The following PACRG variants were observed in gnomAD, a reference collection of about 807,000 sequenced individuals.
PACRG encodes parkin coregulated.
In PACRG, 29 loss-of-function variants were observed where a neutral mutation model predicts 29.7. The ratio of observed to expected loss-of-function variants is 0.98; its 90% confidence interval spans 0.73 to 1.33. The LOEUF (loss-of-function observed/expected upper bound fraction) is 1.33. Among genes scored for constraint, PACRG ranks in the 40% most tolerant of loss-of-function variants. The probability of loss-of-function intolerance (pLI) is 0.00; values close to 1 mark genes in which losing one functional copy is unlikely to be tolerated. For synonymous variants in PACRG, 116 were observed against 118.7 expected (o/e 0.98, Z 0.15); for missense variants, 279 against 316.2 (o/e 0.88, Z 0.89).
intron 2 of PACRG, among the ~76,000 whole-genome samples, chr6:162,957,807 T>C (rs1419911827): frequency 6.6e-6 from 1 of 152,136 alleles, no homozygotes; most frequent in African/African-American, 2.4e-5. Context: ...ATAAAGGACA[T>C]ATATCTAGCC....
intron 4 of PACRG, chr6:163,313,885 G>A (rs890598783): frequency 5.9e-5 from 9 of 152,120 alleles, no homozygotes; most frequent in East Asian, 1.9e-4. Context: ...AATGACTATC[G>A]TTAGAGAAAA....
chr6:162,994,836 G>A (rs1333295486), intron 2 of PACRG, among the ~76,000 whole-genome samples: 8 of 150,924 alleles, frequency 5.3e-5, no homozygotes, highest in Admixed American at 6.6e-5. Flanking sequence ...AGAGTTTCCC[G>A]TTTTTCTGTT....
chr6:163,273,513 A>G (rs910959750), intron 4 of PACRG, among the ~76,000 whole-genome samples: 2 of 152,172 alleles, frequency 1.3e-5, no homozygotes, highest in East Asian at 1.9e-4. Context: ...CATAGAAATA[A>G]GACTTTTTAG....
At chr6:163,308,125 T>C (rs965090572) in intron 4 of PACRG, among the ~76,000 whole-genome samples, 1 of 152,214 alleles carries the variant, frequency 6.6e-6, no homozygotes, top group African/African-American at 2.4e-5. Flanking sequence ...GTAGCTTTCC[T>C]TTTCCCCTTT....
intron 4 of PACRG, among the ~76,000 whole-genome samples, chr6:163,206,015 A>C (rs1030590190): frequency 3.9e-5 from 6 of 152,232 alleles, no homozygotes; most frequent in Non-Finnish European, 4.4e-5. Flanking sequence ...ATGAGATACC[A>C]TCTCACACCA....
intron 1 of PACRG, among the ~76,000 whole-genome samples, chr6:162,759,356 G>T (rs1782172695): frequency 6.6e-6 from 1 of 152,028 alleles, no homozygotes; most frequent in Admixed American, 6.6e-5. Flanking sequence ...TGTGAGCCGT[G>T]GCTCACATAA....
At chr6:162,731,282 A>G (rs1460541905) in intron 1 of PACRG, among the ~76,000 whole-genome samples, 2 of 152,176 alleles carry the variant, frequency 1.3e-5, no homozygotes, top group Non-Finnish European at 2.9e-5. Context: ...GACCATCAGT[A>G]TATAATACAG....
chr6:163,051,201 T>C (rs1295053490), intron 2 of PACRG: 2 of 152,244 alleles, frequency 1.3e-5, no homozygotes, highest in Non-Finnish European at 2.9e-5. Flanking sequence ...TATTTTTCCA[T>C]GTTAAGTATT....
intron 1 of PACRG, among the ~76,000 whole-genome samples, chr6:162,743,110 CTGA>C (rs1050166439): frequency 4.6e-5 from 7 of 152,048 alleles, no homozygotes; most frequent in African/African-American, 1.7e-4. Context: ...TTACAGTGCC[CTGA>C]TGATTAGTGG....
chr6:163,173,689 C>A (rs1031500792), intron 4 of PACRG, among the ~76,000 whole-genome samples: 6 of 152,186 alleles, frequency 3.9e-5, no homozygotes, highest in African/African-American at 1.2e-4. Context: ...GCTTCCTTTT[C>A]CATAGGAAAT....
At chr6:163,030,520 G>T (rs896975963) in intron 2 of PACRG, among the ~76,000 whole-genome samples, 2 of 152,086 alleles carry the variant, frequency 1.3e-5, no homozygotes, top group Non-Finnish European at 2.9e-5. Context: ...CACAGGAAAG[G>T]GGTCCCCTTC....
At chr6:162,912,869 C>T (rs1796403054) in intron 2 of PACRG, among the ~76,000 whole-genome samples, 1 of 151,028 alleles carries the variant, frequency 6.6e-6, no homozygotes, top group Non-Finnish European at 1.5e-5. Context: ...TGCACCCGGC[C>T]CACACATTAT....
chr6:163,027,344 G>C (rs528011074), intron 2 of PACRG, among the ~76,000 whole-genome samples: 1 of 151,996 alleles, frequency 6.6e-6, no homozygotes, highest in Admixed American at 6.5e-5. Context: ...GTACAATATT[G>C]CGTTCATTAC....
rs559464712 is a variant in PACRG at position 162,815,337 on chromosome 6, A to T, written c.291+1056A>T. Among the ~76,000 whole-genome samples the T allele has an allele frequency of 3.0e-3, 448 of 151,770 alleles. 2 individuals carry two copies. The highest frequency in any genetic ancestry group is 3.6e-3 in the Non-Finnish European group (244 of 67,976). ...TCAGAGAAATCAAAGTAAATAGCTT[A>T]AAAAGGTGCATTAAAATTAAATTTT... is the stretch of plus-strand genomic sequence containing the variant. On this transcript the variant is annotated intron_variant, in intron 2 of 4. Transcript: ENST00000366888.
intron 4 of PACRG, among the ~76,000 whole-genome samples, chr6:163,127,018 C>T (rs1359786519): frequency 2.0e-5 from 3 of 152,212 alleles, no homozygotes; most frequent in Non-Finnish European, 2.9e-5. Context: ...GAACTGACTA[C>T]GTAGCATCAA....
intron 4 of PACRG, among the ~76,000 whole-genome samples, chr6:163,269,843 AAG>A (rs1438380333): frequency 1.3e-5 from 1 of 79,844 alleles, no homozygotes; most frequent in South Asian, 4.1e-4. Flanking sequence ...AAGAAAAAGA[AAG>A]AAAGAAAGAA....
In PACRG at chr6:163,089,245, CT is replaced by C. The variant is rs565318297; in HGVS notation, c.464-10del. The C allele has an allele frequency of 7.1e-4, 1,147 of 1,610,134 alleles. 5 individuals carry two copies. The African/African-American group carries it at 0.013, about 19-fold the overall frequency. On this transcript the variant is annotated splice_polypyrimidine_tract_variant and intron_variant, in intron 3 of 4. Transcript: ENST00000366888. ...TTAAAATATTTTCTGCTTGGTCCTT[CT>C]TTTACCATATAGATGCCTTGAACCT...
At chr6:163,028,687 T>C (rs1396034862) in intron 2 of PACRG, among the ~76,000 whole-genome samples, 1 of 152,208 alleles carries the variant, frequency 6.6e-6, no homozygotes, top group Non-Finnish European at 1.5e-5. Context: ...ATAAAGACAT[T>C]GGTAGTGCTT....
intron 4 of PACRG, among the ~76,000 whole-genome samples, chr6:163,124,249 T>C (rs1320444524): frequency 6.6e-6 from 1 of 152,230 alleles, no homozygotes; most frequent in African/African-American, 2.4e-5. Flanking sequence ...AGGTGGCCTT[T>C]CCACTCTGTT....
Sources: gnomAD v4.1 joint callset for allele counts (sites outside exome capture counted in the v4.1 genomes callset) on GRCh38, gnomAD v4.1.1 for gene constraint, MANE v1.5 for transcripts, NCBI Gene and HGNC (gene_info 2026-07-23, HGNC 2026-07-21) for gene names.